The following ZNF618 variants were observed in gnomAD, a reference collection of about 807,000 sequenced individuals.
The protein encoded by ZNF618 is neural precursor cell expressed, developmentally down-regulated 10.
ZNF618 carries 34 observed loss-of-function variants against 103.0 expected under a neutral mutation model. The observed-to-expected ratio is 0.33, with a 90% CI of 0.25 to 0.44. The LOEUF (loss-of-function observed/expected upper bound fraction) is 0.44. ZNF618 is among the 20% of genes least tolerant of loss of function. The pLI, the probability that ZNF618 is intolerant of heterozygous loss-of-function variation, is 1.00. For synonymous variants in ZNF618, 551 were observed against 542.2 expected (o/e 1.02, Z -0.23); for missense variants, 1,059 against 1,295.4 (o/e 0.82, Z 2.80).
In ZNF618 at chr9:114,049,298, A is replaced by T. The variant is rs1240346793; in HGVS notation, c.1996A>T (p.Asn666Tyr). 6.2e-7 allele frequency: 1 copy of T among 1,612,142 alleles called. No homozygotes were observed. Among genetic ancestry groups the T allele is most frequent in the Non-Finnish European group, 8.5e-7 (1 of 1,179,704 alleles). ...CATGCACGAGGTCATCGAGCTGCTC[A>T]ACGTGTGCGAGGACCTGGCGGGCTC... ...RSMHEVIELLNVCEDLAGSTG... is the reference protein window; with the variant it reads ...RSMHEVIELLYVCEDLAGSTG... The change falls in exon 15 of 15, where the codon AAC (asparagine) becomes TAC (tyrosine). Residue 666 changes from asparagine to tyrosine, a missense_variant. Physicochemically the swap from Asn to Tyr is moderately radical, Grantham distance 143. This residue lies in a region of ZNF618 where 272 missense variants were observed against 380.1 expected (regional missense o/e 0.72). Transcript: ENST00000374126.
rs187210429 is a variant in ZNF618 at position 113,887,817 on chromosome 9, T to C, written c.33+11404T>C. On this transcript the variant is annotated intron_variant, in intron 1 of 14. Transcript: ENST00000374126. ...TTGAAAGGAAGTTTGAGCCATGTGTTGGAAATTCAGCTTTATAAAATTTTA... is the reference window on the plus strand; with the variant it reads ...TTGAAAGGAAGTTTGAGCCATGTGTCGGAAATTCAGCTTTATAAAATTTTA... Among the ~76,000 whole-genome samples, 359 of 152,352 alleles carry C rather than the reference T, an allele frequency of 2.4e-3. 4 individuals carry two copies. Among genetic ancestry groups the C allele is most frequent in the East Asian group, 1.7e-3 (9 of 5,192 alleles).
chr9:114,038,346 C>T (rs1844814355), intron 13 of ZNF618, among the ~76,000 whole-genome samples: 1 of 152,204 alleles, frequency 6.6e-6, no homozygotes, highest in Admixed American at 6.5e-5. Context: ...CCCCACCTCT[C>T]CCAAGCATCT....
chr9:114,048,597 C>A, intron 14 of ZNF618, 54 bp from the exon 15 acceptor site: 2 of 1,542,310 alleles, frequency 1.3e-6, no homozygotes, highest in South Asian at 1.2e-5. Flanking sequence ...ACTGCCACTC[C>A]AAGCAGCCTT....
At chr9:113,933,480 G>A (rs1353421114) in intron 1 of ZNF618, among the ~76,000 whole-genome samples, 1 of 152,208 alleles carries the variant, frequency 6.6e-6, no homozygotes, top group African/African-American at 2.4e-5. Flanking sequence ...AGATCTGGTG[G>A]TGGGGAGATG....
At chr9:114,033,113 G>T (rs1844244520) in intron 12 of ZNF618, among the ~76,000 whole-genome samples, 1 of 152,170 alleles carries the variant, frequency 6.6e-6, no homozygotes, top group Admixed American at 6.5e-5. Flanking sequence ...AAGTGCAGTT[G>T]AGAGAGCTCT....
chr9:113,992,593 C>T (rs1032164716), intron 3 of ZNF618, among the ~76,000 whole-genome samples: 3 of 152,122 alleles, frequency 2.0e-5, no homozygotes, highest in African/African-American at 7.2e-5. Flanking sequence ...CTGAGTACTT[C>T]GCTAACCCAG....
intron 1 of ZNF618, among the ~76,000 whole-genome samples, chr9:113,907,705 G>T (rs1399248573): frequency 6.6e-6 from 1 of 152,168 alleles, no homozygotes; most frequent in African/African-American, 2.4e-5. Flanking sequence ...TTTCTGCATC[G>T]CTGGGAGGTA....
chr9:113,913,365 G>A (rs1831744927), intron 1 of ZNF618, among the ~76,000 whole-genome samples: 1 of 152,258 alleles, frequency 6.6e-6, no homozygotes, highest in Non-Finnish European at 1.5e-5. Flanking sequence ...TTCTTCTGCA[G>A]ATAGATTTAA....
chr9:113,881,513 C>T (rs777453473), intron 1 of ZNF618, among the ~76,000 whole-genome samples: 3 of 152,134 alleles, frequency 2.0e-5, no homozygotes, highest in Non-Finnish European at 4.4e-5. Context: ...ATTAATGTGA[C>T]AAGTTACAGT....
At chr9:114,001,006 AC>A (rs955824830) in intron 4 of ZNF618, among the ~76,000 whole-genome samples, 3 of 151,060 alleles carry the variant, frequency 2.0e-5, no homozygotes, top group Non-Finnish European at 4.4e-5. Context: ...GCATTTGTCC[AC>A]GCTCCCTGGC....
chr9:113,945,900 A>G (rs1040636565), intron 1 of ZNF618, among the ~76,000 whole-genome samples: 3 of 152,216 alleles, frequency 2.0e-5, no homozygotes, highest in African/African-American at 7.2e-5. Context: ...AATGTCAGTT[A>G]TTATTATTAC....
intron 1 of ZNF618, among the ~76,000 whole-genome samples, chr9:113,948,237 TA>T (rs1331779464): frequency 6.6e-6 from 1 of 152,028 alleles, no homozygotes; most frequent in Non-Finnish European, 1.5e-5. Context: ...CCTGGATGGG[TA>T]AAACGCAGAA....
chr9:113,925,889 A>G (rs1391410538), intron 1 of ZNF618, among the ~76,000 whole-genome samples: 3 of 152,136 alleles, frequency 2.0e-5, no homozygotes, highest in African/African-American at 7.2e-5. Flanking sequence ...ACTATTTTGA[A>G]CAAACTGTTA....
intron 1 of ZNF618, among the ~76,000 whole-genome samples, chr9:113,881,084 T>C (rs766345321): frequency 2.6e-5 from 4 of 152,152 alleles, no homozygotes; most frequent in Non-Finnish European, 5.9e-5. Context: ...CAGATACAAG[T>C]TTGAAGGCAG....
At chr9:114,020,363 AGTTT>A (rs1302573386) in intron 10 of ZNF618, among the ~76,000 whole-genome samples, 2 of 152,014 alleles carry the variant, frequency 1.3e-5, no homozygotes, top group African/African-American at 4.8e-5. Context: ...TGCAACTTGG[AGTTT>A]GTTTGGGATT....
At chr9:113,948,006 G>GT (rs967480522) in intron 1 of ZNF618, among the ~76,000 whole-genome samples, 8 of 152,158 alleles carry the variant, frequency 5.3e-5, no homozygotes, top group Non-Finnish European at 1.0e-4. Flanking sequence ...ATGGCAGCTT[G>GT]TTTTTTCCTC....
intron 1 of ZNF618, among the ~76,000 whole-genome samples, chr9:113,945,275 T>C (rs1354439141): frequency 1.3e-5 from 2 of 152,204 alleles, no homozygotes; most frequent in African/African-American, 2.4e-5. Context: ...AATACCAGTT[T>C]TTCAGGAAGG....
chr9:113,984,054 C>T (rs563947614), intron 2 of ZNF618, among the ~76,000 whole-genome samples: 32 of 152,230 alleles, frequency 2.1e-4, no homozygotes, highest in African/African-American at 6.7e-4. Flanking sequence ...ACAACACTCC[C>T]GAGGGCCCCA....
rs543396748 is a variant in ZNF618 at position 114,016,678 on chromosome 9, G to A, written c.755-17G>A. ...GCCAGTTGCACATTCTTACACCTTC[G>A]TTTCCTTCCTGGACAGAAACTGGCA... On this transcript the variant is annotated splice_polypyrimidine_tract_variant and intron_variant, in intron 9 of 14. Coordinates refer to ENST00000374126, the MANE Select transcript of ZNF618 (RefSeq NM_001318042.2). 2.5e-4 allele frequency: 400 copies of A among 1,611,380 alleles called. 6 individuals carry two copies. In the South Asian group the frequency reaches 4.0e-3, roughly 16 times the overall value.
Sources: gnomAD v4.1 joint callset for allele counts (sites outside exome capture counted in the v4.1 genomes callset) on GRCh38, gnomAD v4.1.1 for gene constraint, gnomAD v4.1.1 regional missense constraint, MANE v1.5 for transcripts, NCBI Gene and HGNC (gene_info 2026-07-23, HGNC 2026-07-21) for gene names.